ADAMTS19: variants seen among roughly 807,000 people sequenced by gnomAD.
ADAMTS19 encodes the protein ADAM metallopeptidase with thrombospondin type 1 motif 19.
ADAMTS19 carries 93 observed loss-of-function variants against 153.3 expected under a neutral mutation model. That is an observed-to-expected ratio of 0.61 (90% CI 0.51 to 0.72). The LOEUF (loss-of-function observed/expected upper bound fraction) is 0.72. Ranked by LOEUF, ADAMTS19 falls within the 30% of genes least tolerant of loss-of-function variation. The pLI is 0.00. For synonymous variants in ADAMTS19, 600 were observed against 556.6 expected, an observed-to-expected ratio of 1.08 and a Z score of -1.10; for missense variants, 1,482 against 1,552.1, an observed-to-expected ratio of 0.95 and a Z score of 0.76.
At chr5:129,584,772 C>T (rs751921068) in intron 7 of ADAMTS19, among the ~76,000 whole-genome samples, 10 of 152,152 alleles carry the variant, frequency 6.6e-5, no homozygotes, top group Admixed American at 6.5e-4. Context: ...CATCCCAGGT[C>T]GACTTCAGAC....
At chr5:129,638,982 T>C (rs1752674682) in intron 10 of ADAMTS19, among the ~76,000 whole-genome samples, 1 of 152,184 alleles carries the variant, frequency 6.6e-6, no homozygotes, top group Non-Finnish European at 1.5e-5. Context: ...CAAGTACATA[T>C]TATATTCTTT....
intron 20 of ADAMTS19, among the ~76,000 whole-genome samples, chr5:129,702,941 A>AAAAAAAAAAT: frequency 5.1e-4 from 15 of 29,302 alleles, no homozygotes; most frequent in African/African-American, 1.1e-3. Context: ...AAAAAAAAAA[A>AAAAAAAAAAT]ATATATATAT....
At chr5:129,523,420 G>A (rs1053471056) in intron 3 of ADAMTS19, among the ~76,000 whole-genome samples, 1 of 152,258 alleles carries the variant, frequency 6.6e-6, no homozygotes, top group East Asian at 1.9e-4. Context: ...TGCAAGTTGT[G>A]GAAAGATGAT....
At position 129,526,304 on chromosome 5, in the gene ADAMTS19, A is replaced by G. The variant is rs1417180331; in HGVS notation, c.934A>G (p.Arg312Gly). 1 of 1,591,156 alleles carries G rather than the reference A, an allele frequency of 6.3e-7. No individual in the cohort carries two copies. The highest frequency in any genetic ancestry group is 8.5e-7 in the Non-Finnish European group (1 of 1,171,678). ...IISDKGRPRS[R>G]KIAESGRGKR... ...TGCAGATAAAGGAAGACCTAGGTCT[A>G]GAAAAATAGCAGAAAGTGGAAGAGG... The change falls in exon 4 of 23, where the codon AGA becomes GGA. Residue 312 changes from arginine to glycine, a missense_variant. Coordinates refer to ENST00000274487, the MANE Select transcript of ADAMTS19 (RefSeq NM_133638.6).
chr5:129,667,592 C>T (rs745549779), intron 16 of ADAMTS19, among the ~76,000 whole-genome samples: 29 of 151,786 alleles, frequency 1.9e-4, no homozygotes, highest in Admixed American at 5.3e-4. Flanking sequence ...GTGGTATGTA[C>T]CCCCCACCCT....
chr5:129,733,250 G>T lies in ADAMTS19; in HGVS notation c.3313-1682G>T, dbSNP rs1306491445. Among the ~76,000 whole-genome samples, 4 of 151,868 alleles carry T rather than the reference G, an allele frequency of 2.6e-5. No homozygotes were observed. In the East Asian group the frequency reaches 7.7e-4, roughly 29 times the overall value. On this transcript the variant is annotated intron_variant, in intron 21 of 22. Coordinates refer to ENST00000274487, the MANE Select transcript of ADAMTS19 (RefSeq NM_133638.6). The stretch of plus-strand genomic sequence containing the variant: ...TGCTTTTGGACTTTGGCATATGCAA[G>T]GAATGTATGAGTAAGACCTTAAAAA...
chr5:129,560,804 T>C (rs1753485122), intron 7 of ADAMTS19, among the ~76,000 whole-genome samples: 1 of 152,206 alleles, frequency 6.6e-6, no homozygotes, highest in African/African-American at 2.4e-5. Context: ...ACATGTGTTG[T>C]GACACTAACT....
intron 2 of ADAMTS19, among the ~76,000 whole-genome samples, chr5:129,485,261 A>G (rs2901951): frequency 0.016 from 2,375 of 152,266 alleles, 73 homozygotes; most frequent in African/African-American, 0.055. Context: ...CATGAGACAA[A>G]GAAGAAATCC....
At chr5:129,489,437 C>T (rs1750696722) in intron 2 of ADAMTS19, among the ~76,000 whole-genome samples, 1 of 152,050 alleles carries the variant, frequency 6.6e-6, no homozygotes, top group South Asian at 2.1e-4. Flanking sequence ...TCCCTTTATG[C>T]ATAAGGTTTC....
intron 10 of ADAMTS19, among the ~76,000 whole-genome samples, chr5:129,631,697 G>T (rs1217626283): frequency 6.6e-6 from 1 of 151,490 alleles, no homozygotes; most frequent in Non-Finnish European, 1.5e-5. Flanking sequence ...TTTTTGCATG[G>T]TATATTATGC....
intron 7 of ADAMTS19, among the ~76,000 whole-genome samples, chr5:129,557,232 C>G (rs1017156160): frequency 1.3e-5 from 2 of 152,104 alleles, no homozygotes; most frequent in African/African-American, 4.8e-5. Flanking sequence ...TTAACTATTT[C>G]TAGCTGAGAG....
At chr5:129,506,670 G>T (rs933017283) in intron 2 of ADAMTS19, among the ~76,000 whole-genome samples, 9 of 151,716 alleles carry the variant, frequency 5.9e-5, no homozygotes, top group Non-Finnish European at 1.2e-4. Flanking sequence ...TGCTAACAGG[G>T]ATACAAAATT....
At chr5:129,522,032 T>C (rs1180779308) in intron 3 of ADAMTS19, among the ~76,000 whole-genome samples, 1 of 151,856 alleles carries the variant, frequency 6.6e-6, no homozygotes, top group Non-Finnish European at 1.5e-5. Flanking sequence ...TTTTTAGTTA[T>C]TGGATGTATC....
chr5:129,696,202 G>A (rs1755543558), intron 19 of ADAMTS19, among the ~76,000 whole-genome samples: 1 of 152,126 alleles, frequency 6.6e-6, no homozygotes, highest in Non-Finnish European at 1.5e-5. Flanking sequence ...GGGATCACCT[G>A]AGATCGGAAG....
At chr5:129,625,149 G>T (rs1021291831) in intron 10 of ADAMTS19, among the ~76,000 whole-genome samples, 1 of 152,114 alleles carries the variant, frequency 6.6e-6, no homozygotes, top group African/African-American at 2.4e-5. Flanking sequence ...CATCCATGTA[G>T]CTACAAAGGA....
intron 21 of ADAMTS19, among the ~76,000 whole-genome samples, chr5:129,714,185 C>T (rs1310231191): frequency 6.6e-6 from 1 of 150,698 alleles, no homozygotes; most frequent in African/African-American, 2.4e-5. Context: ...TTTGGGAGGC[C>T]GAGGCGGGTG....
At chr5:129,565,338 T>C (rs1460394105) in intron 7 of ADAMTS19, among the ~76,000 whole-genome samples, 1 of 152,210 alleles carries the variant, frequency 6.6e-6, no homozygotes, top group Non-Finnish European at 1.5e-5. Flanking sequence ...TCAGATATAT[T>C]CGATACACAG....
At chr5:129,609,057 A>G (rs1023218679) in intron 8 of ADAMTS19, among the ~76,000 whole-genome samples, 1 of 152,302 alleles carries the variant, frequency 6.6e-6, no homozygotes, top group African/African-American at 2.4e-5. Context: ...ACCAACTATA[A>G]TTAGTAATGG....
At chr5:129,656,215 A>G (rs1753541881) in intron 14 of ADAMTS19, among the ~76,000 whole-genome samples, 1 of 152,216 alleles carries the variant, frequency 6.6e-6, no homozygotes, top group Non-Finnish European at 1.5e-5. Flanking sequence ...CCTGATGATT[A>G]TAATTAAATT....
Sources: gnomAD v4.1 joint callset for allele counts (sites outside exome capture counted in the v4.1 genomes callset) on GRCh38, gnomAD v4.1.1 for gene constraint, MANE v1.5 for transcripts, NCBI Gene and HGNC (gene_info 2026-07-23, HGNC 2026-07-21) for gene names.